SPMIP2: variants seen among roughly 807,000 people sequenced by gnomAD.
SPMIP2 encodes the protein protein SPMIP2.
chr4:158,985,066 T>C, the SPMIP2 span, among the ~76,000 whole-genome samples: 1 of 149,150 alleles, frequency 6.7e-6, no homozygotes, highest in Non-Finnish European at 1.5e-5. Context: ...ACATACACCC[T>C]CCCAAGACTA....
chr4:158,998,763 G>A, the SPMIP2 span, among the ~76,000 whole-genome samples: 8 of 152,136 alleles, frequency 5.3e-5, no homozygotes, highest in African/African-American at 1.9e-4. Flanking sequence ...CTCTTTTATT[G>A]CTCTGAGTAA....
At chr4:158,939,647 T>C in the SPMIP2 span, among the ~76,000 whole-genome samples, 1 of 152,088 alleles carries the variant, frequency 6.6e-6, no homozygotes, top group African/African-American at 2.4e-5. Flanking sequence ...TCTTTGCTTC[T>C]CTTCTCTTTC....
At chr4:158,908,064 C>T in the SPMIP2 span, 1 of 152,178 alleles carries the variant, frequency 6.6e-6, no homozygotes, top group East Asian at 1.9e-4. Context: ...TTTCCTGGTG[C>T]TGCATGCGAT....
the SPMIP2 span, among the ~76,000 whole-genome samples, chr4:158,943,858 C>CTTT: frequency 4.9e-5 from 5 of 101,864 alleles, no homozygotes; most frequent in African/African-American, 7.8e-5. Flanking sequence ...TTGACATTTT[C>CTTT]TTTTTTTTTT....
chr4:158,968,526 A>G, the SPMIP2 span, among the ~76,000 whole-genome samples: 1 of 152,166 alleles, frequency 6.6e-6, no homozygotes, highest in African/African-American at 2.4e-5. Context: ...AGTGGCTCCA[A>G]TCTAATGTTC....
the SPMIP2 span, among the ~76,000 whole-genome samples, chr4:159,065,675 C>A: frequency 2.6e-5 from 4 of 152,188 alleles, no homozygotes; most frequent in Non-Finnish European, 5.9e-5. Flanking sequence ...GCCATGGAAA[C>A]AATGACAATG....
chr4:159,007,304 C>A, the SPMIP2 span: 1 of 855,768 alleles, frequency 1.2e-6, no homozygotes, highest in Non-Finnish European at 1.9e-6. Context: ...CCCTCCGGGC[C>A]CCACTGGACA....
the SPMIP2 span, among the ~76,000 whole-genome samples, chr4:158,978,224 C>T: frequency 8.5e-5 from 13 of 152,214 alleles, no homozygotes; most frequent in Middle Eastern, 3.4e-3. Context: ...GGTAGTTGTG[C>T]GGTTTTGAGT....
the SPMIP2 span, among the ~76,000 whole-genome samples, chr4:158,989,897 T>C: frequency 6.6e-6 from 1 of 152,104 alleles, no homozygotes; most frequent in Non-Finnish European, 1.5e-5. Context: ...CTAATTAAAC[T>C]AAAGAGCTTC....
At chr4:158,917,319 C>T in the SPMIP2 span, among the ~76,000 whole-genome samples, 426 of 151,980 alleles carry the variant, frequency 2.8e-3, 3 homozygotes, top group African/African-American at 9.8e-3. Context: ...CCCAGCTACT[C>T]GGGAGGCCAA....
the SPMIP2 span, among the ~76,000 whole-genome samples, chr4:159,013,086 G>T: frequency 6.6e-6 from 1 of 152,202 alleles, no homozygotes; most frequent in African/African-American, 2.4e-5. Context: ...ATATTTAAAT[G>T]CTTTAAAAAT....
the SPMIP2 span, among the ~76,000 whole-genome samples, chr4:159,063,564 A>AATAC: frequency 6.6e-6 from 1 of 151,410 alleles, no homozygotes; most frequent in Non-Finnish European, 1.5e-5. Context: ...TAAATAAATA[A>AATAC]ATAAATAAAT....
At chr4:159,004,183 AT>A in the SPMIP2 span, among the ~76,000 whole-genome samples, 65 of 149,990 alleles carry the variant, frequency 4.3e-4, no homozygotes, top group Non-Finnish European at 8.3e-4. Context: ...CACCTGGCTA[AT>A]TTTTTGTTGT....
the SPMIP2 span, among the ~76,000 whole-genome samples, chr4:158,941,615 C>T: frequency 6.6e-6 from 1 of 152,164 alleles, no homozygotes; most frequent in Non-Finnish European, 1.5e-5. Flanking sequence ...GCTATGATCA[C>T]ATCACTGTAC....
chr4:158,977,310 G>T, the SPMIP2 span, among the ~76,000 whole-genome samples: 2 of 152,084 alleles, frequency 1.3e-5, no homozygotes, highest in African/African-American at 4.8e-5. Flanking sequence ...ACTTCTTCCT[G>T]GTTTAGTTTG....
chr4:158,933,747 C>T, the SPMIP2 span, among the ~76,000 whole-genome samples: 4 of 151,550 alleles, frequency 2.6e-5, no homozygotes, highest in East Asian at 7.7e-4. Flanking sequence ...ATCTTTTATT[C>T]TTTCTGTTCC....
chr4:158,989,101 G>A, the SPMIP2 span, among the ~76,000 whole-genome samples: 1 of 151,870 alleles, frequency 6.6e-6, no homozygotes, highest in Non-Finnish European at 1.5e-5. Context: ...CAGACAAACA[G>A]ACAGCCAAAT....
the SPMIP2 span, among the ~76,000 whole-genome samples, chr4:158,987,878 CA>C: frequency 1.3e-5 from 2 of 151,672 alleles, no homozygotes; most frequent in Non-Finnish European, 2.9e-5. Flanking sequence ...TAGCAGAAGA[CA>C]AAAAATAACT....
the SPMIP2 span, among the ~76,000 whole-genome samples, chr4:158,925,866 G>A: frequency 2.2e-4 from 33 of 152,298 alleles, no homozygotes; most frequent in East Asian, 4.0e-3. Flanking sequence ...GGAAGTTCAG[G>A]ATCAAGGCAC....
Sources: gnomAD v4.1 joint callset for allele counts (sites outside exome capture counted in the v4.1 genomes callset) on GRCh38, gnomAD v4.1.1 for gene constraint, MANE v1.5 for transcripts, NCBI Gene and HGNC (gene_info 2026-07-23, HGNC 2026-07-21) for gene names.